STEAP1B: variants seen among roughly 807,000 people sequenced by gnomAD.
STEAP1B encodes the protein STEAP family member 1B, also known as STEAP family protein MGC87042.
A neutral mutation model predicts 27.9 loss-of-function variants in STEAP1B; 13 were observed. The observed-to-expected ratio is 0.47, with a 90% CI of 0.30 to 0.74. The LOEUF is 0.74. STEAP1B is among the 30% of genes least tolerant of loss of function. The pLI, the probability that STEAP1B is intolerant of heterozygous loss-of-function variation, is 0.06. For missense variants in STEAP1B, 250 were observed against 298.7 expected, an observed-to-expected ratio of 0.84 and a Z score of 1.20; for synonymous variants, 86 against 107.1, an observed-to-expected ratio of 0.80 and a Z score of 1.22.
chr7:22,478,861 G>A (rs1786018345), intron 4 of STEAP1B, among the ~76,000 whole-genome samples: 1 of 152,128 alleles, frequency 6.6e-6, no homozygotes, highest in South Asian at 2.1e-4. Flanking sequence ...TTACCTCAGG[G>A]ACAGACCACC....
intron 4 of STEAP1B, among the ~76,000 whole-genome samples, chr7:22,449,178 T>G (rs180675341): frequency 9.3e-4 from 142 of 152,332 alleles, no homozygotes; most frequent in African/African-American, 3.2e-3. Flanking sequence ...AAATGTATGA[T>G]TAAATTATTA....
intron 4 of STEAP1B, among the ~76,000 whole-genome samples, chr7:22,454,625 C>T (rs1254822580): frequency 6.6e-6 from 1 of 151,868 alleles, no homozygotes; most frequent in East Asian, 1.9e-4. Flanking sequence ...GCACATGCTG[C>T]AGTTGCTGGA....
At position 22,469,853 on chromosome 7, in the gene STEAP1B, T is replaced by C. The variant is rs1785850160; in HGVS notation, c.762+22712A>G. On this transcript the variant is annotated intron_variant, in intron 4 of 4. Transcript: ENST00000678116. ...ATACTGCAGAGCCAGTTTCTCACTA[T>C]TGGATAAAGAAGTTACAAATATGGA... Among the ~76,000 whole-genome samples, 4 of 152,226 alleles carry C rather than the reference T, an allele frequency of 2.6e-5. No individual in the cohort carries two copies. In the South Asian group the frequency reaches 8.3e-4, roughly 32 times the overall value.
At chr7:22,442,686 G>A (rs1785351972) in intron 4 of STEAP1B, among the ~76,000 whole-genome samples, 1 of 152,226 alleles carries the variant, frequency 6.6e-6, no homozygotes, top group Non-Finnish European at 1.5e-5. Flanking sequence ...ATTTTCAGGG[G>A]AAAGAACACA....
At chr7:22,471,694 G>A (rs1338504218) in intron 4 of STEAP1B, among the ~76,000 whole-genome samples, 3 of 152,014 alleles carry the variant, frequency 2.0e-5, no homozygotes, top group African/African-American at 7.2e-5. Flanking sequence ...TTGAGTTCAG[G>A]AGTTCGAAAG....
chr7:22,432,260 T>C (rs577815845), intron 4 of STEAP1B, among the ~76,000 whole-genome samples: 5 of 152,184 alleles, frequency 3.3e-5, no homozygotes, highest in African/African-American at 7.2e-5. Flanking sequence ...ATTTCTGGGC[T>C]GGATGTGATG....
intron 4 of STEAP1B, among the ~76,000 whole-genome samples, chr7:22,448,999 A>C (rs913663746): frequency 6.6e-6 from 1 of 152,150 alleles, no homozygotes; most frequent in East Asian, 1.9e-4. Flanking sequence ...TAATTTTTTA[A>C]GTTTTTAATT....
At chr7:22,440,717 G>A (rs1464739488) in intron 4 of STEAP1B, among the ~76,000 whole-genome samples, 1 of 151,938 alleles carries the variant, frequency 6.6e-6, no homozygotes, top group Non-Finnish European at 1.5e-5. Context: ...TTAAAAGCTT[G>A]TTTTCAGAAT....
intron 4 of STEAP1B, among the ~76,000 whole-genome samples, chr7:22,464,947 C>A (rs1159275677): frequency 1.3e-3 from 3 of 2,294 alleles, no homozygotes; most frequent in Admixed American, 0.014. Flanking sequence ...GTACCAAACC[C>A]CATATATATA....
In STEAP1B at chr7:22,480,002, G is replaced by C. The variant is rs559559901; in HGVS notation, c.762+12563C>G. Among the ~76,000 whole-genome samples the C allele has an allele frequency of 4.6e-5, 7 of 152,274 alleles. No individual in the cohort carries two copies. The South Asian group carries it at 1.5e-3, about 32-fold the overall frequency. ...CACAAGCCACTTTTCCAGTGCTCAG[G>C]AGCCACCCTGGGCTAGTGTCAACCC... On this transcript the variant is annotated intron_variant, in intron 4 of 4. Coordinates refer to ENST00000678116, the MANE Select transcript of STEAP1B (RefSeq NM_001382447.1).
chr7:22,433,245 C>T (rs1562566387), intron 4 of STEAP1B, among the ~76,000 whole-genome samples: 1 of 152,148 alleles, frequency 6.6e-6, no homozygotes. Flanking sequence ...ACTTCTGTAA[C>T]AGCCACAGGA....
chr7:22,456,964 A>ATTTTTTTTTTT (rs1332500011), intron 4 of STEAP1B, among the ~76,000 whole-genome samples: 6 of 33,080 alleles, frequency 1.8e-4, no homozygotes, highest in Non-Finnish European at 3.2e-4. Flanking sequence ...ATATATATAT[A>ATTTTTTTTTTT]TATATATATT....
At chr7:22,463,177 C>A (rs369118154) in intron 4 of STEAP1B, among the ~76,000 whole-genome samples, 1,595 of 151,712 alleles carry the variant, frequency 0.011, 20 homozygotes, top group South Asian at 0.066. Context: ...AAACAGAGAG[C>A]CAAATCATGA....
chr7:22,465,575 T>C (rs906754625), intron 4 of STEAP1B, among the ~76,000 whole-genome samples: 4 of 152,218 alleles, frequency 2.6e-5, no homozygotes. Flanking sequence ...GTTATTGTTA[T>C]GTACGATGTG....
intron 4 of STEAP1B, among the ~76,000 whole-genome samples, chr7:22,445,785 T>C (rs1785400792): frequency 6.6e-6 from 1 of 152,120 alleles, no homozygotes; most frequent in Non-Finnish European, 1.5e-5. Context: ...TGAAACTGAA[T>C]AGCTAAGGGT....
intron 4 of STEAP1B, among the ~76,000 whole-genome samples, chr7:22,456,972 A>ATATATTTCTTTTTTTTTTT: frequency 1.8e-5 from 1 of 57,046 alleles, no homozygotes; most frequent in Non-Finnish European, 3.3e-5. Context: ...ATATATATAT[A>ATATATTTCTTTTTTTTTTT]TTTTTTTTTT....
chr7:22,429,050 G>T (rs1405004476), intron 4 of STEAP1B, among the ~76,000 whole-genome samples: 1 of 152,164 alleles, frequency 6.6e-6, no homozygotes, highest in Non-Finnish European at 1.5e-5. Flanking sequence ...AGACTGCGGT[G>T]TAACAGAAAA....
chr7:22,478,507 T>G (rs1451527432), intron 4 of STEAP1B, among the ~76,000 whole-genome samples: 2 of 152,224 alleles, frequency 1.3e-5, no homozygotes, highest in African/African-American at 4.8e-5. Context: ...TCTCAAGTTC[T>G]CTCAAGATCT....
intron 4 of STEAP1B, among the ~76,000 whole-genome samples, chr7:22,460,923 G>T (rs1785667757): frequency 6.6e-6 from 1 of 152,168 alleles, no homozygotes; most frequent in Non-Finnish European, 1.5e-5. Context: ...CTTTAAAGGA[G>T]AAATACTTAA....
Sources: gnomAD v4.1 joint callset for allele counts (sites outside exome capture counted in the v4.1 genomes callset) on GRCh38, gnomAD v4.1.1 for gene constraint, MANE v1.5 for transcripts, NCBI Gene and HGNC (gene_info 2026-07-23, HGNC 2026-07-21) for gene names.